TCF4: variants seen among roughly 807,000 people sequenced by gnomAD.
TCF4 encodes SL3-3 enhancer factor 2.
TCF4 carries 3 observed loss-of-function variants against 82.1 expected under a neutral mutation model. The ratio of observed to expected loss-of-function variants is 0.04; its 90% CI spans 0.02 to 0.09. The LOEUF (loss-of-function observed/expected upper bound fraction) is 0.09, where lower values mean the gene tolerates loss of function less well. TCF4 is among the 10% of genes least tolerant of loss of function. The pLI is 1.00. For missense variants in TCF4, 518 were observed against 852.7 expected, an observed-to-expected ratio of 0.61 and a Z score of 4.89; for synonymous variants, 276 against 309.6, an observed-to-expected ratio of 0.89 and a Z score of 1.14.
At chr18:55,614,857 T>C (rs2043839100) in intron 2 of TCF4, among the ~76,000 whole-genome samples, 3 of 152,218 alleles carry the variant, frequency 2.0e-5, no homozygotes, top group Admixed American at 2.0e-4. Context: ...GATTTTCTCC[T>C]AGATATTCTG....
At chr18:55,274,616 GAGA>G (rs1053714036) in intron 10 of TCF4, among the ~76,000 whole-genome samples, 5 of 151,540 alleles carry the variant, frequency 3.3e-5, no homozygotes, top group Non-Finnish European at 4.4e-5. Flanking sequence ...GTGTAGATAT[GAGA>G]AGAAGAAAAA....
intron 6 of TCF4, among the ~76,000 whole-genome samples, chr18:55,380,029 C>A (rs1310025196): frequency 2.0e-5 from 3 of 152,106 alleles, no homozygotes; most frequent in East Asian, 3.9e-4. Context: ...GTATGTGTCA[C>A]CACATCTGGC....
intron 5 of TCF4, among the ~76,000 whole-genome samples, chr18:55,458,775 T>A (rs952884063): frequency 1.3e-5 from 2 of 152,202 alleles, no homozygotes; most frequent in Non-Finnish European, 2.9e-5. Flanking sequence ...AAAAAAATTA[T>A]TCTTCTCTAA....
intron 2 of TCF4, among the ~76,000 whole-genome samples, chr18:55,608,725 C>CT (rs1394005331): frequency 6.6e-6 from 1 of 152,056 alleles, no homozygotes; most frequent in Non-Finnish European, 1.5e-5. Context: ...GGGCAGGAGT[C>CT]TATTTTATTC....
At chr18:55,568,868 A>G (rs1220044430) in intron 3 of TCF4, among the ~76,000 whole-genome samples, 1 of 152,182 alleles carries the variant, frequency 6.6e-6, no homozygotes, top group African/African-American at 2.4e-5. Flanking sequence ...AGTCCAGGAC[A>G]ATATTTTTAA....
At chr18:55,231,934 T>C (rs1214291177) in intron 17 of TCF4, 1 of 152,848 alleles carries the variant, frequency 6.5e-6, no homozygotes, top group Non-Finnish European at 1.5e-5. Context: ...TTCAAGGAGA[T>C]ATAGATTTGA....
intron 1 of TCF4, chr18:55,635,601 A>G: frequency 7.1e-7 from 1 of 1,407,790 alleles, no homozygotes; most frequent in Non-Finnish European, 9.4e-7. Flanking sequence ...GAGGTTAGAG[A>G]GCTAGAAACT....
intron 1 of TCF4, 54 bp downstream of exon 1, chr18:55,587,984 C>CCCGCGCCGCCGGGCGCCT (rs1368940180): frequency 2.1e-6 from 2 of 971,426 alleles, no homozygotes; most frequent in African/African-American, 1.8e-5. Flanking sequence ...GAGCCCGAAC[C>CCCGCGCCGCCGGGCGCCT]CCGCGCCGCC....
intron 5 of TCF4, among the ~76,000 whole-genome samples, chr18:55,424,722 A>T (rs527490114): frequency 6.6e-6 from 1 of 152,210 alleles, no homozygotes; most frequent in South Asian, 2.1e-4. Flanking sequence ...GAATTATTTA[A>T]TCATGTCTTC....
rs149636405 is a variant in TCF4 at position 55,333,449 on chromosome 18, G to GA, written c.549+16909dup. On this transcript the variant is annotated intron_variant, in intron 8 of 19. Coordinates refer to ENST00000354452, the MANE Select transcript of TCF4 (RefSeq NM_001083962.2). ...TTGTCTATGGCACTTTCTCCCACCA[G>GA]AAAAAAAAAACAAAACAAAACAGAA... 8.5e-3 allele frequency among the ~76,000 whole-genome samples: 1,172 copies of GA among 138,474 alleles called. 10 individuals are homozygous for GA. The highest frequency in any genetic ancestry group is 0.024 in the African/African-American group (915 of 37,724). The allele number at this position is 138,474 out of a possible 152,430, so 90.8% of individuals were successfully genotyped here.
chr18:55,548,178 A>AATGCAC (rs1212803510), intron 3 of TCF4, among the ~76,000 whole-genome samples: 2 of 152,368 alleles, frequency 1.3e-5, no homozygotes, highest in Admixed American at 1.3e-4. Context: ...CGTTTATTTT[A>AATGCAC]ATGATTAACA....
intron 3 of TCF4, among the ~76,000 whole-genome samples, chr18:55,504,020 G>A (rs992018107): frequency 5.3e-5 from 8 of 152,164 alleles, no homozygotes; most frequent in Admixed American, 4.6e-4. Context: ...GTTGCAGTGA[G>A]ACCGATCCAC....
intron 3 of TCF4, chr18:55,496,127 T>C (rs2096632798): frequency 6.6e-6 from 1 of 152,222 alleles, no homozygotes; most frequent in Non-Finnish European, 1.5e-5. Flanking sequence ...ACAAAACTAC[T>C]ACAGCGTAAG....
intron 5 of TCF4, among the ~76,000 whole-genome samples, chr18:55,406,243 C>A (rs1026104102): frequency 1.2e-4 from 18 of 148,446 alleles, no homozygotes; most frequent in Non-Finnish European, 5.9e-5. Flanking sequence ...ACATTTCATT[C>A]TGATAGTGTA....
chr18:55,281,293 T>C (rs1365234587), intron 8 of TCF4, among the ~76,000 whole-genome samples: 1 of 152,168 alleles, frequency 6.6e-6, no homozygotes, highest in Admixed American at 6.5e-5. Context: ...TTGAGAACTA[T>C]TAACTAACAA....
At chr18:55,417,945 T>C (rs1292355864) in intron 5 of TCF4, among the ~76,000 whole-genome samples, 2 of 152,004 alleles carry the variant, frequency 1.3e-5, no homozygotes, top group African/African-American at 4.8e-5. Flanking sequence ...CAAACTCATC[T>C]GCTCCAATGG....
At chr18:55,441,355 T>C (rs1018950527) in intron 5 of TCF4, among the ~76,000 whole-genome samples, 1 of 152,250 alleles carries the variant, frequency 6.6e-6, no homozygotes, top group Admixed American at 6.5e-5. Flanking sequence ...TAAGTTTCCA[T>C]TTGTACATAA....
At position 55,438,200 on chromosome 18, in the gene TCF4, C is replaced by CAA. The variant is rs1295763534; in HGVS notation, c.304+22817_304+22818dup. On this transcript the variant is annotated intron_variant, in intron 5 of 19. Transcript: ENST00000354452. ...TGAGTGACGGAGTGAGACTTCGTCT[C>CAA]AAAAAAAAAAAAAAAAAAAGTAAAT... Among the ~76,000 whole-genome samples, 27 of 63,820 alleles carry CAA rather than the reference C, an allele frequency of 4.2e-4. 1 individual carries two copies. Among genetic ancestry groups the CAA allele is most frequent in the African/African-American group, 1.1e-3 (20 of 18,696 alleles). The allele number at this position is 63,820 out of a possible 152,430, so 41.9% of individuals were successfully genotyped here. A position where few individuals can be genotyped will look rare whatever the true frequency, so the allele number is the denominator to read the frequency against.
intron 6 of TCF4, among the ~76,000 whole-genome samples, chr18:55,386,317 A>C (rs2092599443): frequency 6.6e-6 from 1 of 152,186 alleles, no homozygotes; most frequent in African/African-American, 2.4e-5. Flanking sequence ...TGGACAGCAA[A>C]ATACGCCAAT....
Sources: gnomAD v4.1 joint callset for allele counts (sites outside exome capture counted in the v4.1 genomes callset) on GRCh38, gnomAD v4.1.1 for gene constraint, MANE v1.5 for transcripts, NCBI Gene and HGNC (gene_info 2026-07-23, HGNC 2026-07-21) for gene names.